The following PIP5K1B variants were observed in gnomAD, a reference collection of about 807,000 sequenced individuals.
PIP5K1B encodes phosphatidylinositol 4-phosphate 5-kinase type-1 beta.
PIP5K1B carries 42 observed loss-of-function variants against 67.0 expected under a neutral mutation model. The observed-to-expected ratio is 0.63, with a 90% CI of 0.49 to 0.81. The LOEUF (loss-of-function observed/expected upper bound fraction) is 0.81, where lower values mean the gene tolerates loss of function less well. Among genes scored for constraint, PIP5K1B ranks in the 30% least tolerant of loss-of-function variants. The pLI is 0.00. For missense variants in PIP5K1B, 459 were observed against 646.3 expected (o/e 0.71, Z 3.14); for synonymous variants, 214 against 231.4 (o/e 0.92, Z 0.68).
At chr9:68,878,871 A>G (rs943496100) in intron 6 of PIP5K1B, among the ~76,000 whole-genome samples, 3 of 152,194 alleles carry the variant, frequency 2.0e-5, no homozygotes, top group Non-Finnish European at 4.4e-5. Context: ...AGGGATTTTA[A>G]AAGGTAGAAA....
intron 1 of PIP5K1B, among the ~76,000 whole-genome samples, chr9:68,718,835 A>C (rs894674027): frequency 5.3e-5 from 8 of 152,198 alleles, no homozygotes; most frequent in African/African-American, 1.7e-4. Context: ...TTTTCTTGAT[A>C]ATTTTTTTTT....
At chr9:68,792,253 C>T (rs1450581813) in intron 2 of PIP5K1B, among the ~76,000 whole-genome samples, 1 of 149,482 alleles carries the variant, frequency 6.7e-6, no homozygotes, top group African/African-American at 2.4e-5. Context: ...TAATGCAGAG[C>T]ACATTATAGT....
At chr9:68,815,071 A>G (rs7865412) in intron 2 of PIP5K1B, among the ~76,000 whole-genome samples, 119,466 of 151,950 alleles carry the variant, frequency 0.79, 47,021 homozygotes, top group Admixed American at 0.85. Flanking sequence ...ACAGTGAAAT[A>G]ATAATAATAA....
intron 2 of PIP5K1B, among the ~76,000 whole-genome samples, chr9:68,795,422 A>C (rs1475879107): frequency 6.6e-6 from 1 of 152,212 alleles, no homozygotes; most frequent in Non-Finnish European, 1.5e-5. Flanking sequence ...ATAAATGGAA[A>C]CCCGAAGAAT....
chr9:68,900,134 G>A (rs1399047672), intron 8 of PIP5K1B, among the ~76,000 whole-genome samples: 5 of 152,138 alleles, frequency 3.3e-5, no homozygotes, highest in Non-Finnish European at 5.9e-5. Context: ...TCTGTGTTGC[G>A]TATGTACCAT....
chr9:68,733,885 G>A (rs764897780), intron 1 of PIP5K1B, among the ~76,000 whole-genome samples: 8 of 152,110 alleles, frequency 5.3e-5, no homozygotes, highest in East Asian at 3.9e-4. Context: ...TGATCCACCC[G>A]CTTCGGCCTC....
chr9:68,830,392 A>C (rs1834246497), intron 4 of PIP5K1B, among the ~76,000 whole-genome samples: 1 of 151,748 alleles, frequency 6.6e-6, no homozygotes, highest in South Asian at 2.1e-4. Context: ...ATTACAGATA[A>C]TTAAGCAAAA....
intron 14 of PIP5K1B, among the ~76,000 whole-genome samples, chr9:68,964,488 G>T (rs1016390889): frequency 6.6e-6 from 1 of 152,186 alleles, no homozygotes; most frequent in African/African-American, 2.4e-5. Flanking sequence ...GTACTCTCCT[G>T]GGTCTGCCAC....
intron 2 of PIP5K1B, among the ~76,000 whole-genome samples, chr9:68,773,339 T>C (rs1830755984): frequency 1.3e-5 from 2 of 152,216 alleles, no homozygotes; most frequent in African/African-American, 4.8e-5. Context: ...TCTTCGATTA[T>C]GGCCTAGGAG....
At chr9:68,719,441 G>A (rs1423146002) in intron 1 of PIP5K1B, among the ~76,000 whole-genome samples, 1 of 152,172 alleles carries the variant, frequency 6.6e-6, no homozygotes, top group Non-Finnish European at 1.5e-5. Flanking sequence ...AATAAAACAA[G>A]GAAGCTGAAT....
chr9:68,736,574 A>G (rs1828746653), intron 1 of PIP5K1B, among the ~76,000 whole-genome samples: 1 of 151,972 alleles, frequency 6.6e-6, no homozygotes, highest in Admixed American at 6.6e-5. Context: ...GCAGAGCTGC[A>G]CTCCTTCTGG....
At chr9:68,717,000 GC>G (rs1827665925) in intron 1 of PIP5K1B, among the ~76,000 whole-genome samples, 1 of 152,108 alleles carries the variant, frequency 6.6e-6, no homozygotes, top group South Asian at 2.1e-4. Flanking sequence ...ACCAAATACC[GC>G]GTGTTCTCAC....
intron 12 of PIP5K1B, among the ~76,000 whole-genome samples, chr9:68,924,929 T>A (rs951595455): frequency 1.4e-4 from 21 of 152,212 alleles, no homozygotes; most frequent in Non-Finnish European, 1.5e-5. Flanking sequence ...TTTCTACCAA[T>A]CTTTATTTCT....
intron 2 of PIP5K1B, among the ~76,000 whole-genome samples, chr9:68,805,707 G>A (rs1016944360): frequency 6.6e-6 from 1 of 152,120 alleles, no homozygotes; most frequent in Non-Finnish European, 1.5e-5. Flanking sequence ...CTCCAGAGGG[G>A]GTAGTGACAA....
At chr9:68,739,934 T>C (rs769140384) in intron 1 of PIP5K1B, 3 of 152,236 alleles carry the variant, frequency 2.0e-5, no homozygotes, top group Non-Finnish European at 4.4e-5. Flanking sequence ...GTTAGCACAT[T>C]GGGCAGGGAA....
At chr9:68,879,951 A>G (rs1824097029) in intron 6 of PIP5K1B, among the ~76,000 whole-genome samples, 1 of 152,242 alleles carries the variant, frequency 6.6e-6, no homozygotes, top group Non-Finnish European at 1.5e-5. Context: ...TGTATACCAT[A>G]AAAGTATACA....
At chr9:68,824,310 A>G (rs1833877211) in intron 4 of PIP5K1B, 1 of 515,000 alleles carries the variant, frequency 1.9e-6, no homozygotes, top group Non-Finnish European at 3.9e-6. Context: ...TTATAGAAAA[A>G]ATGTGACCAT....
chr9:69,004,657 G>C (rs1830993470), intron 15 of PIP5K1B, among the ~76,000 whole-genome samples: 1 of 152,148 alleles, frequency 6.6e-6, no homozygotes, highest in African/African-American at 2.4e-5. Flanking sequence ...CTGCGTGCTG[G>C]GGAGCAGAAG....
At chr9:68,734,628 C>T (rs1828635562) in intron 1 of PIP5K1B, among the ~76,000 whole-genome samples, 1 of 152,182 alleles carries the variant, frequency 6.6e-6, no homozygotes, top group South Asian at 2.1e-4. Flanking sequence ...CTGCTACCTG[C>T]TCCCATGACA....
Sources: allele counts gnomAD v4.1 joint callset (sites outside exome capture counted in the v4.1 genomes callset), GRCh38; gene constraint gnomAD v4.1.1; transcripts MANE v1.5; gene names NCBI Gene and HGNC (gene_info 2026-07-23, HGNC 2026-07-21).